ATRN: variants seen among roughly 807,000 people sequenced by gnomAD.
ATRN encodes attractin, also known as attractin-2.
Under a neutral mutation model 178.7 loss-of-function variants are expected in ATRN, and 54 were observed. The ratio of observed to expected loss-of-function variants is 0.30; its 90% CI spans 0.24 to 0.38. The LOEUF (loss-of-function observed/expected upper bound fraction) is 0.38, where lower values mean the gene tolerates loss of function less well. Among genes scored for constraint, ATRN ranks in the 10% least tolerant of loss-of-function variants. ATRN has a pLI of 1.00. For synonymous variants in ATRN, 636 were observed against 663.0 expected (o/e 0.96, Z 0.63); for missense variants, 1,443 against 1,815.1 (o/e 0.79, Z 3.73).
chr20:3,587,276 G>A (rs1412148383), intron 18 of ATRN, among the ~76,000 whole-genome samples: 1 of 151,958 alleles, frequency 6.6e-6, no homozygotes, highest in Non-Finnish European at 1.5e-5. Context: ...GTGCTTTTTG[G>A]TATTGTATCT....
At position 3,535,588 on chromosome 20, in the gene ATRN, T is replaced by TACACACACAC. The variant is rs11468707; in HGVS notation, c.494+282_494+291dup. On this transcript the variant is annotated intron_variant, in intron 2 of 28. Transcript: ENST00000262919. The stretch of plus-strand genomic sequence containing the variant: ...CCAACTGTAATAGTTCAGAAACGGT[T>TACACACACAC]ACACACACACACACACACACACACA... Among the ~76,000 whole-genome samples, 248 of 143,208 alleles carry TACACACACAC rather than the reference T, an allele frequency of 1.7e-3. 1 individual carries two copies. The highest frequency in any genetic ancestry group is 6.0e-3 in the African/African-American group (232 of 38,408). The allele number at this position is 143,208 out of a possible 152,430, so 94.0% of individuals were successfully genotyped here.
chr20:3,508,412 A>G (rs575839906), intron 1 of ATRN, among the ~76,000 whole-genome samples: 10 of 152,194 alleles, frequency 6.6e-5, no homozygotes. Context: ...TCTCTGCCAC[A>G]GCTATTCTGC....
chr20:3,607,051 C>A (rs661377), intron 24 of ATRN, among the ~76,000 whole-genome samples: 9,190 of 151,832 alleles, frequency 0.061, 757 homozygotes, highest in African/African-American at 0.19. Context: ...TATTTGATTC[C>A]CTTTTTAATA....
intron 24 of ATRN, among the ~76,000 whole-genome samples, chr20:3,614,858 A>G (rs887040561): frequency 6.6e-6 from 1 of 152,026 alleles, no homozygotes; most frequent in African/African-American, 2.4e-5. Flanking sequence ...CCTATTCTGG[A>G]CATTTTATAT....
chr20:3,518,421 G>A (rs570672032), intron 1 of ATRN, among the ~76,000 whole-genome samples: 1 of 152,294 alleles, frequency 6.6e-6, no homozygotes, highest in African/African-American at 2.4e-5. Flanking sequence ...ACACATGGTT[G>A]TATGATTCCA....
At position 3,604,134 on chromosome 20, in the gene ATRN, G is replaced by A. The variant is rs974455464; in HGVS notation, c.3673G>A (p.Val1225Ile). Residue 1225 changes from valine (V) to isoleucine (I), a missense_variant, in exon 24 of 29, where the codon GTT becomes ATT. Coordinates refer to ENST00000262919, the MANE Select transcript of ATRN (RefSeq NM_139321.3). Reference protein sequence around the residue: ...AGTQAGEEMPVVSKTNIKEYK... With the variant: ...AGTQAGEEMPIVSKTNIKEYK... Reference sequence around the variant, plus strand: ...AACCCAGGCTGGAGAAGAGATGCCTGTTGTTTCAAAAACCAACATTAAGGA... The same window carrying A: ...AACCCAGGCTGGAGAAGAGATGCCTATTGTTTCAAAAACCAACATTAAGGA... The A allele has an allele frequency of 6.3e-7, 1 of 1,596,866 alleles. No homozygotes were observed.
At chr20:3,525,640 G>C (rs367976279) in intron 1 of ATRN, among the ~76,000 whole-genome samples, 1 of 152,092 alleles carries the variant, frequency 6.6e-6, no homozygotes, top group African/African-American at 2.4e-5. Flanking sequence ...GCATCGATGC[G>C]AGAATCCTCA....
chr20:3,609,829 A>G (rs2086737829), intron 24 of ATRN, among the ~76,000 whole-genome samples: 1 of 152,176 alleles, frequency 6.6e-6, no homozygotes. Flanking sequence ...CCTTGAAAAC[A>G]TGCTAAGTGA....
At position 3,588,976 on chromosome 20, in the gene ATRN, C is replaced by CTTTTT. The variant is rs1375444238; in HGVS notation, c.3185-2189_3185-2188insTTTTT. On this transcript the variant is annotated intron_variant, in intron 18 of 28. Coordinates refer to ENST00000262919, the MANE Select transcript of ATRN (RefSeq NM_139321.3). ...GTTAACATACAGTTCGTAGTATTTTCTTTTGTTTTTTTTTTTTTTTTTTTG... is the reference window on the plus strand; with the variant it reads ...GTTAACATACAGTTCGTAGTATTTTCTTTTTTTTTGTTTTTTTTTTTTTTTTTTTG... Among the ~76,000 whole-genome samples the CTTTTT allele has an allele frequency of 3.4e-3, 196 of 57,554 alleles. 7 individuals are homozygous for CTTTTT. The highest frequency in any genetic ancestry group is 0.01 in the African/African-American group (179 of 17,798). 37.8% of individuals were successfully genotyped at this position (57,554 alleles called of 152,430 possible). A position where few individuals can be genotyped will look rare whatever the true frequency, so the allele number is the denominator to read the frequency against.
At chr20:3,605,435 G>C (rs1431030332) in intron 24 of ATRN, among the ~76,000 whole-genome samples, 3 of 152,192 alleles carry the variant, frequency 2.0e-5, no homozygotes, top group African/African-American at 7.2e-5. Context: ...AAATCATTCT[G>C]TAACAAAGAT....
intron 1 of ATRN, among the ~76,000 whole-genome samples, chr20:3,524,784 A>G (rs946399449): frequency 1.3e-5 from 2 of 152,234 alleles, no homozygotes; most frequent in African/African-American, 4.8e-5. Context: ...ATGGAAACTG[A>G]ACAACCTTCT....
In ATRN at chr20:3,638,491, A is replaced by C. The variant is rs1055190973; in HGVS notation, c.3943-337A>C. Reference sequence around the variant, plus strand: ...TTATTTTATGGCCGCATAGTATTCCATGGTGTATATGTGCCATGTTTTCTT... The same window carrying C: ...TTATTTTATGGCCGCATAGTATTCCCTGGTGTATATGTGCCATGTTTTCTT... On this transcript the variant is annotated intron_variant, in intron 26 of 28. Transcript: ENST00000262919. This position sits in a 1 kb window ranked among gnomAD's most constrained non-coding sequence, Gnocchi z 4.5. Among the ~76,000 whole-genome samples, 2 of 152,162 alleles carry C rather than the reference A, an allele frequency of 1.3e-5. No homozygotes were observed. The highest frequency in any genetic ancestry group is 2.9e-5 in the Non-Finnish European group (2 of 68,026).
At chr20:3,560,003 G>A (rs1192901685) in intron 7 of ATRN, among the ~76,000 whole-genome samples, 3 of 151,856 alleles carry the variant, frequency 2.0e-5, no homozygotes, top group Non-Finnish European at 4.4e-5. Flanking sequence ...ACTGAAAGGC[G>A]CCTTTTGCTA....
At chr20:3,591,089 A>G (rs1461272421) in intron 18 of ATRN, 80 bp from the exon 19 acceptor site, 4 of 1,352,300 alleles carry the variant, frequency 3.0e-6, no homozygotes, top group African/African-American at 2.9e-5. Context: ...CTACAGAGAT[A>G]GTTGCAGATA....
chr20:3,471,880 CT>C (rs2084432371), intron 1 of ATRN, among the ~76,000 whole-genome samples: 1 of 152,162 alleles, frequency 6.6e-6, no homozygotes, highest in South Asian at 2.1e-4. Context: ...GCCAGGTTTG[CT>C]TGAACACTTC....
chr20:3,581,636 C>T (rs1023322567), intron 15 of ATRN, among the ~76,000 whole-genome samples: 40 of 151,968 alleles, frequency 2.6e-4, no homozygotes, highest in African/African-American at 9.5e-4. Flanking sequence ...ATCATGTTGG[C>T]ACTCAAAAAG....
Position 3,565,420 on chromosome 20 carries a change from T to G in ATRN, c.1859T>G (p.Val620Gly). The change falls in exon 11 of 29, where the codon GTC (valine) becomes GGC (glycine). Residue 620 changes from valine to glycine, a missense_variant. Coordinates refer to ENST00000262919, the MANE Select transcript of ATRN (RefSeq NM_139321.3). ...HDVNRFGHSA[V>G]LHNSTMYVFG... ...GTCAACAGATTTGGCCATTCAGCAG[T>G]CTTACACAACAGGTAATTGGAGAAG... 1 of 1,613,466 alleles carries G rather than the reference T, an allele frequency of 6.2e-7. No individual in the cohort carries two copies.
chr20:3,565,002 TTGCAGTGAGCTGAGATCACACCAC>T (rs1402886824), intron 10 of ATRN, among the ~76,000 whole-genome samples: 24 of 152,090 alleles, frequency 1.6e-4, no homozygotes, highest in Non-Finnish European at 3.2e-4. Context: ...GAGGAGGAGC[TTGCAGTGAGCTGAGATCACACCAC>T]TGCACTCCAG....
chr20:3,534,633 G>A (rs1184049059), intron 1 of ATRN, among the ~76,000 whole-genome samples: 2 of 152,176 alleles, frequency 1.3e-5, no homozygotes, highest in Non-Finnish European at 2.9e-5. Flanking sequence ...CAGCCATGAT[G>A]AAGGAAATAG....
Sources: gnomAD v4.1 joint callset for allele counts (sites outside exome capture counted in the v4.1 genomes callset) on GRCh38, gnomAD v4.1.1 for gene constraint, Gnocchi (gnomAD v3.1) non-coding constraint, MANE v1.5 for transcripts, NCBI Gene and HGNC (gene_info 2026-07-23, HGNC 2026-07-21) for gene names.